Variants in LNX1 observed in about 807,000 individuals in gnomAD.
LNX1 encodes E3 ubiquitin-protein ligase LNX.
Under a neutral mutation model 68.4 loss-of-function variants are expected in LNX1, and 54 were observed. That is an observed-to-expected ratio of 0.79 (90% CI 0.63 to 0.99). The LOEUF (loss-of-function observed/expected upper bound fraction) is 0.99. LNX1 is among the 50% of genes least tolerant of loss of function. The pLI, the probability that LNX1 is intolerant of heterozygous loss-of-function variation, is 0.00. For synonymous variants in LNX1, 336 were observed against 350.0 expected, an observed-to-expected ratio of 0.96 and a Z score of 0.45; for missense variants, 906 against 926.4, an observed-to-expected ratio of 0.98 and a Z score of 0.29.
chr4:53,622,961 C>T (rs1185287610), intron 1 of LNX1, among the ~76,000 whole-genome samples: 1 of 152,060 alleles, frequency 6.6e-6, no homozygotes, highest in East Asian at 1.9e-4. Flanking sequence ...TACAGTTGCA[C>T]AAGAAAGGTG....
intron 5 of LNX1, among the ~76,000 whole-genome samples, chr4:53,497,877 G>A (rs1002705419): frequency 6.6e-5 from 10 of 152,166 alleles, no homozygotes; most frequent in African/African-American, 9.7e-5. Flanking sequence ...GACAGGAGCC[G>A]GTCCCTCAGC....
At chr4:53,585,094 A>T (rs1311266736) in intron 1 of LNX1, among the ~76,000 whole-genome samples, 1 of 152,168 alleles carries the variant, frequency 6.6e-6, no homozygotes, top group African/African-American at 2.4e-5. Context: ...CTGGAAGTGA[A>T]GTTATCCTGT....
At chr4:53,464,458 TATAAA>T (rs1266697438) in intron 9 of LNX1, among the ~76,000 whole-genome samples, 1 of 32,852 alleles carries the variant, frequency 3.0e-5, no homozygotes, top group Admixed American at 3.1e-4. Context: ...ACCTAACAAA[TATAAA>T]ATGTTTTAAT....
chr4:53,636,831 A>G (rs1265076600), intron 1 of LNX1, among the ~76,000 whole-genome samples: 1 of 151,950 alleles, frequency 6.6e-6, no homozygotes, highest in Non-Finnish European at 1.5e-5. Flanking sequence ...CTCCCTTTAC[A>G]TCAAAAAGCA....
rs543124921 is a variant in LNX1 at position 53,615,291 on chromosome 4, G to A, written c.-215+1226C>T. On this transcript the variant is annotated intron_variant, in intron 2 of 3. Transcript: ENST00000504299. ...CTGTGTGTAACTCCTTCAGCAAGGT[G>A]AGGCTGCTTCTCCCAACAGGAGGCA... Among the ~76,000 whole-genome samples, 180 of 152,310 alleles carry A rather than the reference G, an allele frequency of 1.2e-3. 4 individuals carry two copies. The highest frequency in any genetic ancestry group is 2.4e-4 in the Non-Finnish European group (16 of 68,022).
intron 2 of LNX1, among the ~76,000 whole-genome samples, chr4:53,540,564 C>T (rs1309208686): frequency 6.6e-6 from 1 of 151,918 alleles, no homozygotes; most frequent in African/African-American, 2.4e-5. Flanking sequence ...TGCCTGTAAT[C>T]CCAGCTACTC....
intron 2 of LNX1, among the ~76,000 whole-genome samples, chr4:53,614,369 A>G (rs977736019): frequency 6.6e-6 from 1 of 152,180 alleles, no homozygotes; most frequent in Non-Finnish European, 1.5e-5. Flanking sequence ...AACAGCACTC[A>G]GAAAGCCTCC....
intron 6 of LNX1, among the ~76,000 whole-genome samples, chr4:53,485,764 T>C (rs1387695932): frequency 6.6e-6 from 1 of 152,196 alleles, no homozygotes; most frequent in African/African-American, 2.4e-5. Context: ...AGAATCTTTC[T>C]TTCCACTAGT....
chr4:53,535,502 T>A (rs929516527), intron 2 of LNX1, among the ~76,000 whole-genome samples: 1 of 151,404 alleles, frequency 6.6e-6, no homozygotes, highest in African/African-American at 2.4e-5. Flanking sequence ...TATGTTGTAA[T>A]GAAGTTGAAC....
chr4:53,607,577 C>G (rs2109843655), intron 2 of LNX1, among the ~76,000 whole-genome samples: 1 of 152,272 alleles, frequency 6.6e-6, no homozygotes, highest in Non-Finnish European at 1.5e-5. Flanking sequence ...TATCAAACTA[C>G]TAATGACATT....
In LNX1 at chr4:53,582,302, C is replaced by T. The variant is rs543047391; in HGVS notation, c.-86-8214G>A. Reference sequence around the variant, plus strand: ...CTGATTGTTACACTTGACAGAGACACACAGGTGAACAGTTTGCTGAAGGGT... The same window carrying T: ...CTGATTGTTACACTTGACAGAGACATACAGGTGAACAGTTTGCTGAAGGGT... On this transcript the variant is annotated intron_variant, in intron 1 of 10. Coordinates refer to ENST00000263925, the MANE Select transcript of LNX1 (RefSeq NM_001126328.3). Among the ~76,000 whole-genome samples, 22 of 152,304 alleles carry T rather than the reference C, an allele frequency of 1.4e-4. No homozygotes were observed. The South Asian group carries it at 3.9e-3, about 27-fold the overall frequency.
chr4:53,475,583 T>C (rs1723511142), intron 9 of LNX1, among the ~76,000 whole-genome samples: 1 of 152,250 alleles, frequency 6.6e-6, no homozygotes, highest in African/African-American at 2.4e-5. Context: ...CGTCTCACTT[T>C]CATTTTTCCA....
intron 2 of LNX1, among the ~76,000 whole-genome samples, chr4:53,600,761 C>T (rs1341342614): frequency 6.6e-6 from 1 of 150,762 alleles, no homozygotes; most frequent in African/African-American, 2.4e-5. Flanking sequence ...GACAGAGTCT[C>T]GCTCTGTTGC....
At position 53,460,554 on chromosome 4, in the gene LNX1, T is replaced by C. The variant is rs1721793608; in HGVS notation, c.*353A>G. On this transcript the variant is annotated 3_prime_UTR_variant, in exon 11 of 11. Transcript: ENST00000263925. The stretch of plus-strand genomic sequence containing the variant: ...AGCTGTAAATTAAAAATGGCCATAA[T>C]GTACCCTTGGCAGACTTCAGCATAT... The C allele has an allele frequency of 9.1e-6, 2 of 220,458 alleles. No homozygotes were observed. The highest frequency in any genetic ancestry group is 1.8e-5 in the Non-Finnish European group (2 of 111,150). The allele number at this position is 220,458 out of a possible 1,614,324, so 13.7% of individuals were successfully genotyped here. A position where few individuals can be genotyped will look rare whatever the true frequency, so the allele number is the denominator to read the frequency against.
intron 1 of LNX1, among the ~76,000 whole-genome samples, chr4:53,631,541 G>A (rs1734271025): frequency 6.6e-6 from 1 of 151,976 alleles, no homozygotes; most frequent in Non-Finnish European, 1.5e-5. Context: ...AACTTGATAT[G>A]CCTCCCCATG....
Position 53,572,410 on chromosome 4 carries a change from A to G in LNX1, c.380+1213T>C, listed in dbSNP as rs542469759. Among the ~76,000 whole-genome samples the G allele has an allele frequency of 1.2e-4, 19 of 152,262 alleles. No homozygotes were observed. The East Asian group carries it at 3.3e-3, about 26-fold the overall frequency. On this transcript the variant is annotated intron_variant, in intron 2 of 10. Transcript: ENST00000263925. ...GGGAGAAAAATGAATTCACTGACAT[A>G]ATGAGCGTGGAAAACATGTGCTAAG...
At chr4:53,535,078 C>G (rs541446553) in intron 2 of LNX1, among the ~76,000 whole-genome samples, 1 of 151,460 alleles carries the variant, frequency 6.6e-6, no homozygotes, top group Non-Finnish European at 1.5e-5. Flanking sequence ...ATCCTCCTTG[C>G]TATAAGGAAA....
At chr4:53,531,425 C>A (rs937871386) in intron 2 of LNX1, among the ~76,000 whole-genome samples, 16 of 152,164 alleles carry the variant, frequency 1.1e-4, no homozygotes, top group African/African-American at 3.4e-4. Context: ...TCTCTAAGAC[C>A]CCTAATAATC....
intron 4 of LNX1, among the ~76,000 whole-genome samples, chr4:53,506,967 T>A (rs1166581361): frequency 6.6e-6 from 1 of 151,490 alleles, no homozygotes; most frequent in African/African-American, 2.4e-5. Flanking sequence ...CAAATGTAGT[T>A]GAAAGAGTAA....
Sources: gnomAD v4.1 joint callset for allele counts (sites outside exome capture counted in the v4.1 genomes callset) on GRCh38, gnomAD v4.1.1 for gene constraint, MANE v1.5 for transcripts, NCBI Gene and HGNC (gene_info 2026-07-23, HGNC 2026-07-21) for gene names.